The following MCTP1 variants were observed in gnomAD, a reference collection of about 807,000 sequenced individuals.
MCTP1 encodes the protein multiple C2 and transmembrane domain-containing protein 1.
Under a neutral mutation model 120.6 loss-of-function variants are expected in MCTP1, and 69 were observed. The ratio of observed to expected loss-of-function variants is 0.57; its 90% confidence interval spans 0.47 to 0.70. MCTP1 has a LOEUF of 0.70. Ranked by LOEUF, MCTP1 falls within the 30% of genes least tolerant of loss-of-function variation. The probability of loss-of-function intolerance (pLI) is 0.00; values close to 1 mark genes in which losing one functional copy is unlikely to be tolerated. For missense variants in MCTP1, 1,203 were observed against 1,248.8 expected, an observed-to-expected ratio of 0.96 and a Z score of 0.55; for synonymous variants, 529 against 493.1, an observed-to-expected ratio of 1.07 and a Z score of -0.96.
intron 2 of MCTP1, among the ~76,000 whole-genome samples, chr5:94,974,374 C>T (rs1307466512): frequency 6.6e-6 from 1 of 151,922 alleles, no homozygotes; most frequent in African/African-American, 2.4e-5. Context: ...ACAGTAAAAC[C>T]CTGTATCTAC....
rs563260335 is a variant in MCTP1 at position 95,107,699 on chromosome 5, A to G, written c.721-90215T>C. Among the ~76,000 whole-genome samples the G allele has an allele frequency of 5.3e-5, 8 of 152,350 alleles. 1 individual carries two copies. The East Asian group carries it at 1.5e-3, about 29-fold the overall frequency. ...TAATCTATAAAGTTCTACGAATTCT[A>G]AAAGTATTCCTTTCTTTTTGTCCAA... On this transcript the variant is annotated intron_variant, in intron 1 of 22. Coordinates refer to ENST00000515393, the MANE Select transcript of MCTP1 (RefSeq NM_024717.7).
At chr5:95,268,346 A>C (rs1412796417) in intron 1 of MCTP1, among the ~76,000 whole-genome samples, 1 of 152,204 alleles carries the variant, frequency 6.6e-6, no homozygotes. Flanking sequence ...TTCCAGCTAC[A>C]CATACATATT....
At chr5:94,755,088 C>G (rs1682693480) in intron 19 of MCTP1, among the ~76,000 whole-genome samples, 1 of 152,162 alleles carries the variant, frequency 6.6e-6, no homozygotes, top group African/African-American at 2.4e-5. Flanking sequence ...TGTCACAGTC[C>G]TCCCAGTCCT....
intron 19 of MCTP1, among the ~76,000 whole-genome samples, chr5:94,749,654 C>CAAAAAAAAAAAAA (rs57404381): frequency 3.9e-5 from 2 of 50,962 alleles, no homozygotes; most frequent in African/African-American, 7.9e-5. Flanking sequence ...GACTTCATCT[C>CAAAAAAAAAAAAA]AAAAAAAAAA....
Position 95,151,980 on chromosome 5 carries a change from A to T in MCTP1, c.720+131876T>A, listed in dbSNP as rs143778715. Among the ~76,000 whole-genome samples the T allele has an allele frequency of 2.2e-4, 34 of 152,344 alleles. No homozygotes were observed. In the East Asian group the frequency reaches 6.6e-3, roughly 29 times the overall value. ...AACATTGTTGAAAGCTTTACTGATG[A>T]ATATTCCAGGTTATAGCCAAAGATA... On this transcript the variant is annotated intron_variant, in intron 1 of 22. Transcript: ENST00000515393.
At chr5:94,751,651 AGCC>A (rs1486768480) in intron 19 of MCTP1, among the ~76,000 whole-genome samples, 5 of 152,142 alleles carry the variant, frequency 3.3e-5, no homozygotes, top group Non-Finnish European at 7.4e-5. Context: ...AAGCGTACAG[AGCC>A]CTGACAGCTG....
At chr5:94,870,331 C>T (rs1489631757) in intron 16 of MCTP1, 86 bp downstream of exon 16, 2 of 900,202 alleles carry the variant, frequency 2.2e-6, no homozygotes, top group East Asian at 2.5e-5. Flanking sequence ...CCCCTCCATA[C>T]CTTTAAAGTT....
chr5:95,284,624 T>A lies in MCTP1; in HGVS notation c.-49A>T. The stretch of plus-strand genomic sequence containing the variant: ...CCCCTCCTCCTCCTCCTCCTCCTCC[T>A]GCTTCTCCTCCCTCTTCGGCTGCAC... On this transcript the variant is annotated 5_prime_UTR_variant, in exon 1 of 23. Transcript: ENST00000515393. This position sits in a 1 kb window ranked among gnomAD's most constrained non-coding sequence, Gnocchi z 5.2. The A allele has an allele frequency of 1.5e-6, 2 of 1,331,630 alleles. No individual in the cohort carries two copies. Among genetic ancestry groups the A allele is most frequent in the Non-Finnish European group, 1.9e-6 (2 of 1,028,690 alleles). The allele number at this position is 1,331,630 out of a possible 1,614,324, so 82.5% of individuals were successfully genotyped here.
At chr5:94,838,652 T>C (rs1352393431) in intron 17 of MCTP1, among the ~76,000 whole-genome samples, 3 of 152,224 alleles carry the variant, frequency 2.0e-5, no homozygotes. Flanking sequence ...ATCATATTAG[T>C]AGATCTGCTT....
At chr5:95,021,295 A>T (rs1044476624) in intron 1 of MCTP1, among the ~76,000 whole-genome samples, 2 of 152,104 alleles carry the variant, frequency 1.3e-5, no homozygotes, top group Non-Finnish European at 2.9e-5. Flanking sequence ...AATAAAAACA[A>T]ATAGTGCTTG....
intron 2 of MCTP1, among the ~76,000 whole-genome samples, chr5:94,987,460 T>C (rs935037816): frequency 6.6e-6 from 1 of 152,228 alleles, no homozygotes; most frequent in Non-Finnish European, 1.5e-5. Flanking sequence ...GTGTTCCTTC[T>C]TACATTCCAG....
intron 12 of MCTP1, among the ~76,000 whole-genome samples, chr5:94,881,336 C>T (rs1472481115): frequency 6.6e-6 from 1 of 152,026 alleles, no homozygotes; most frequent in African/African-American, 2.4e-5. Flanking sequence ...CCTTCCTGCC[C>T]CCCAAAGATT....
chr5:94,738,861 G>T (rs1764872134), intron 19 of MCTP1, among the ~76,000 whole-genome samples: 2 of 152,278 alleles, frequency 1.3e-5, no homozygotes, highest in South Asian at 4.1e-4. Flanking sequence ...AAATACTTCG[G>T]TTGTGTCCAC....
intron 2 of MCTP1, among the ~76,000 whole-genome samples, chr5:94,969,394 G>A (rs1826290651): frequency 6.6e-6 from 1 of 152,114 alleles, no homozygotes; most frequent in South Asian, 2.1e-4. Flanking sequence ...GTAAATAGCT[G>A]TCTATTAATG....
At chr5:94,890,179 T>C (rs1027428796) in intron 11 of MCTP1, among the ~76,000 whole-genome samples, 1 of 152,056 alleles carries the variant, frequency 6.6e-6, no homozygotes, top group Admixed American at 6.5e-5. Context: ...AAAAAAAAAT[T>C]AAAATTCTGT....
chr5:95,059,577 A>T (rs1748374254), intron 1 of MCTP1, among the ~76,000 whole-genome samples: 1 of 152,230 alleles, frequency 6.6e-6, no homozygotes, highest in South Asian at 2.1e-4. Flanking sequence ...AGTTGAAAAA[A>T]AAATGAAGGA....
chr5:95,109,383 C>A (rs1274267134), intron 1 of MCTP1, among the ~76,000 whole-genome samples: 1 of 152,156 alleles, frequency 6.6e-6, no homozygotes, highest in African/African-American at 2.4e-5. Context: ...TTTTCAATAT[C>A]CTTTCTCTGA....
At chr5:95,173,782 C>T (rs1747633105) in intron 1 of MCTP1, among the ~76,000 whole-genome samples, 1 of 149,190 alleles carries the variant, frequency 6.7e-6, no homozygotes, top group African/African-American at 2.5e-5. Context: ...TAAACAACCA[C>T]AAAGCAATCT....
chr5:94,968,327 A>C (rs769006086), intron 2 of MCTP1, among the ~76,000 whole-genome samples: 9 of 152,294 alleles, frequency 5.9e-5, no homozygotes, highest in Admixed American at 1.3e-4. Flanking sequence ...ACTTTCCAAG[A>C]AGGAGGCTTG....
Sources: gnomAD v4.1 joint callset for allele counts (sites outside exome capture counted in the v4.1 genomes callset) on GRCh38, gnomAD v4.1.1 for gene constraint, Gnocchi (gnomAD v3.1) non-coding constraint, MANE v1.5 for transcripts, NCBI Gene and HGNC (gene_info 2026-07-23, HGNC 2026-07-21) for gene names.